SEPTIN11: variants seen among roughly 807,000 people sequenced by gnomAD.
The protein encoded by SEPTIN11 is septin-11.
Under a neutral mutation model 51.4 loss-of-function variants are expected in SEPTIN11, and 25 were observed. That is an observed-to-expected ratio of 0.49 (90% confidence interval 0.35 to 0.68). The LOEUF is 0.68. Ranked by LOEUF, SEPTIN11 falls within the 30% of genes least tolerant of loss-of-function variation. The probability of loss-of-function intolerance (pLI) is 0.00; values close to 1 mark genes in which losing one functional copy is unlikely to be tolerated. For synonymous variants in SEPTIN11, 174 were observed against 184.1 expected, an observed-to-expected ratio of 0.95 and a Z score of 0.44; for missense variants, 381 against 520.8, an observed-to-expected ratio of 0.73 and a Z score of 2.61.
At chr4:76,960,908 T>C (rs1010438675) in intron 1 of SEPTIN11, among the ~76,000 whole-genome samples, 1 of 152,210 alleles carries the variant, frequency 6.6e-6, no homozygotes, top group Non-Finnish European at 1.5e-5. Flanking sequence ...GGGCGAGTTA[T>C]CAGGATGTGT....
intron 3 of SEPTIN11, among the ~76,000 whole-genome samples, chr4:77,007,498 A>C (rs1724566736): frequency 6.6e-6 from 1 of 152,084 alleles, no homozygotes; most frequent in South Asian, 2.1e-4. Flanking sequence ...CTCTCCCCTA[A>C]ACTGGGACTT....
chr4:76,966,448 A>G (rs1722037134), intron 1 of SEPTIN11, among the ~76,000 whole-genome samples: 1 of 152,240 alleles, frequency 6.6e-6, no homozygotes, highest in African/African-American at 2.4e-5. Context: ...CAAAGAAGCC[A>G]CAAGATGAGT....
chr4:77,007,571 A>G (rs964926288), intron 3 of SEPTIN11, among the ~76,000 whole-genome samples: 1 of 152,200 alleles, frequency 6.6e-6, no homozygotes, highest in Non-Finnish European at 1.5e-5. Context: ...CAGTTAGCAC[A>G]ATGCATATCC....
At chr4:77,033,486 C>T (rs913303761) in intron 9 of SEPTIN11, among the ~76,000 whole-genome samples, 1 of 152,136 alleles carries the variant, frequency 6.6e-6, no homozygotes, top group Non-Finnish European at 1.5e-5. Flanking sequence ...TTATACTTCT[C>T]CTTGACCTGT....
intron 1 of SEPTIN11, among the ~76,000 whole-genome samples, chr4:76,980,077 C>T (rs1722694969): frequency 6.6e-6 from 1 of 152,160 alleles, no homozygotes; most frequent in African/African-American, 2.4e-5. Flanking sequence ...AAATGGCAGA[C>T]CCCTCTTTTT....
intron 1 of SEPTIN11, chr4:76,987,877 ACTT>A (rs1229851082): frequency 4.2e-6 from 4 of 954,428 alleles, no homozygotes; most frequent in African/African-American, 1.8e-5. Flanking sequence ...AGGGGTATGT[ACTT>A]CTTCTCTTTT....
At chr4:76,997,962 G>A (rs534539955) in intron 2 of SEPTIN11, among the ~76,000 whole-genome samples, 3 of 152,208 alleles carry the variant, frequency 2.0e-5, no homozygotes, top group African/African-American at 7.2e-5. Context: ...TGCAGGGGAC[G>A]GTAGGGGAAA....
downstream of SEPTIN11, chr4:77,039,049 A>G: frequency 1.6e-6 from 2 of 1,276,580 alleles, no homozygotes; most frequent in Non-Finnish European, 2.0e-6. Flanking sequence ...TTGAATCTGA[A>G]CCTTTCTTTT....
intron 1 of SEPTIN11, among the ~76,000 whole-genome samples, chr4:76,964,014 T>C (rs1333500225): frequency 6.6e-6 from 1 of 152,074 alleles, no homozygotes; most frequent in African/African-American, 2.4e-5. Flanking sequence ...CCAAGTGTTC[T>C]CATTGTTCAA....
Position 77,030,793 on chromosome 4 carries a change from A to G in SEPTIN11, c.1097A>G (p.Lys366Arg). ...LKEAEKELHEKFDLLKRTHQE... is the reference protein window; with the variant it reads ...LKEAEKELHERFDLLKRTHQE... ...TCTTTTTCTCTCCAGCTTCACGAGA[A>G]GTTTGACCTTCTAAAGCGGACACAC... The change falls in exon 9 of 10, where the codon AAG (lysine) becomes AGG (arginine). Residue 366 changes from lysine (K) to arginine (R), a missense_variant. Lys to Arg is a conservative substitution (Grantham distance 26). Transcript: ENST00000264893. 1 of 1,587,328 alleles carries G rather than the reference A, an allele frequency of 6.3e-7. No individual in the cohort carries two copies. The highest frequency in any genetic ancestry group is 2.2e-5 in the East Asian group (1 of 44,730).
chr4:77,036,706 C>T lies in SEPTIN11; in HGVS notation c.*2194C>T. On this transcript the variant is annotated 3_prime_UTR_variant, in exon 10 of 10. Coordinates refer to ENST00000264893, the MANE Select transcript of SEPTIN11 (RefSeq NM_018243.4). ...ACTTTTTTCTGCCACTGCTCCCTAGCCCTGTTTAGTTTGTTATTGCTGCTT... is the reference window on the plus strand; with the variant it reads ...ACTTTTTTCTGCCACTGCTCCCTAGTCCTGTTTAGTTTGTTATTGCTGCTT... 5.9e-6 allele frequency: 9 copies of T among 1,535,336 alleles called. No homozygotes were observed. Among genetic ancestry groups the T allele is most frequent in the Non-Finnish European group, 7.0e-6 (8 of 1,146,642 alleles).
intron 1 of SEPTIN11, among the ~76,000 whole-genome samples, chr4:76,951,965 TA>T (rs1284121907): frequency 6.6e-6 from 1 of 152,190 alleles, no homozygotes; most frequent in Non-Finnish European, 1.5e-5. Context: ...TCACTGGAAT[TA>T]AAATTAAATT....
chr4:76,950,110 C>T (rs778115668), intron 1 of SEPTIN11, among the ~76,000 whole-genome samples, 180 bp downstream of exon 1: 1 of 152,190 alleles, frequency 6.6e-6, no homozygotes, highest in Non-Finnish European at 1.5e-5. Context: ...AGCCCAGGGG[C>T]TCAGTTACGT....
chr4:77,032,416 C>T (rs763228445), intron 9 of SEPTIN11, among the ~76,000 whole-genome samples: 2 of 152,164 alleles, frequency 1.3e-5, no homozygotes, highest in Admixed American at 6.5e-5. Context: ...CTATGCATGT[C>T]GGGAGAGCAT....
intron 1 of SEPTIN11, among the ~76,000 whole-genome samples, chr4:76,965,612 G>T (rs939854208): frequency 2.0e-5 from 3 of 151,782 alleles, no homozygotes; most frequent in African/African-American, 7.2e-5. Context: ...ATTTCTAAAA[G>T]AAACTTGTGT....
chr4:77,000,492 C>G (rs183031106), intron 2 of SEPTIN11, among the ~76,000 whole-genome samples: 202 of 152,302 alleles, frequency 1.3e-3, no homozygotes, highest in African/African-American at 4.8e-3. Context: ...TGAAGTATTA[C>G]ATTTTTCTCT....
intron 2 of SEPTIN11, among the ~76,000 whole-genome samples, chr4:77,003,566 G>T (rs1349557557): frequency 6.6e-6 from 1 of 152,142 alleles, no homozygotes; most frequent in Admixed American, 6.5e-5. Flanking sequence ...GATCTTAGAT[G>T]TTCAGGGACA....
chr4:76,968,057 G>A (rs1262717927), intron 1 of SEPTIN11, among the ~76,000 whole-genome samples: 1 of 152,110 alleles, frequency 6.6e-6, no homozygotes, highest in Non-Finnish European at 1.5e-5. Context: ...ATGTGGCTCC[G>A]CAAAAACATA....
At chr4:76,950,034 C>CGCGGCG (rs141562324) in intron 1 of SEPTIN11, 104 bp downstream of exon 1, 2 of 1,104,636 alleles carry the variant, frequency 1.8e-6, no homozygotes, top group Admixed American at 4.2e-5. Flanking sequence ...TGCTCGGCCC[C>CGCGGCG]GCGGCGGCGG....
Sources: gnomAD v4.1 joint callset for allele counts (sites outside exome capture counted in the v4.1 genomes callset) on GRCh38, gnomAD v4.1.1 for gene constraint, MANE v1.5 for transcripts, NCBI Gene and HGNC (gene_info 2026-07-23, HGNC 2026-07-21) for gene names.